The following ZBTB7C variants were observed in gnomAD, a reference collection of about 807,000 sequenced individuals.
The protein encoded by ZBTB7C is zinc finger and BTB domain containing 7C, also known as zinc finger and BTB domain-containing protein 7C.
ZBTB7C carries 8 observed loss-of-function variants against 25.7 expected under a neutral mutation model. The ratio of observed to expected loss-of-function variants is 0.31; its 90% CI spans 0.18 to 0.56. The LOEUF is 0.56. Among genes scored for constraint, ZBTB7C ranks in the 20% least tolerant of loss-of-function variants. The probability of loss-of-function intolerance (pLI) is 0.91; values close to 1 mark genes in which losing one functional copy is unlikely to be tolerated. For missense variants in ZBTB7C, 824 were observed against 855.2 expected, an observed-to-expected ratio of 0.96 and a Z score of 0.46; for synonymous variants, 394 against 369.0, an observed-to-expected ratio of 1.07 and a Z score of -0.78.
chr18:48,104,530 T>A (rs1189277224), intron 3 of ZBTB7C, among the ~76,000 whole-genome samples: 1 of 151,250 alleles, frequency 6.6e-6, no homozygotes, highest in Non-Finnish European at 1.5e-5. Flanking sequence ...GTGAATTACA[T>A]CTCAGTAAAG....
intron 1 of ZBTB7C, among the ~76,000 whole-genome samples, chr18:48,390,475 A>G (rs4561539): frequency 0.97 from 147,783 of 152,320 alleles, 71,777 homozygotes; most frequent in Middle Eastern, 0.99. Context: ...TATCAAAGGT[A>G]TAAATAAAAT....
At chr18:48,043,416 A>T (rs542068833) in intron 3 of ZBTB7C, among the ~76,000 whole-genome samples, 1 of 152,326 alleles carries the variant, frequency 6.6e-6, no homozygotes, top group East Asian at 1.9e-4. Context: ...AAAGGAGTGA[A>T]TTCTCAATAT....
intron 2 of ZBTB7C, among the ~76,000 whole-genome samples, chr18:48,262,326 G>A (rs1301076591): frequency 6.6e-6 from 1 of 152,132 alleles, no homozygotes; most frequent in African/African-American, 2.4e-5. Flanking sequence ...TACTTGGAAG[G>A]TGGCCCATAA....
At chr18:48,346,825 G>C (rs1333156441) in intron 1 of ZBTB7C, 1 of 150,178 alleles carries the variant, frequency 6.7e-6, no homozygotes, top group African/African-American at 2.5e-5. Context: ...TTGCTCTGTT[G>C]CCAGGCTGGA....
At chr18:48,374,674 A>G (rs1392744555) in intron 1 of ZBTB7C, among the ~76,000 whole-genome samples, 2 of 152,218 alleles carry the variant, frequency 1.3e-5, no homozygotes, top group Non-Finnish European at 2.9e-5. Context: ...CCAGCCTGGT[A>G]TTACTCTTCC....
intron 2 of ZBTB7C, among the ~76,000 whole-genome samples, chr18:48,213,590 C>G (rs1159847774): frequency 6.6e-6 from 1 of 152,198 alleles, no homozygotes. Flanking sequence ...ATAAATGAAG[C>G]AAACACTTTA....
At chr18:48,053,609 C>T (rs932086926) in intron 3 of ZBTB7C, among the ~76,000 whole-genome samples, 45 of 152,120 alleles carry the variant, frequency 3.0e-4, no homozygotes, top group Non-Finnish European at 1.0e-4. Context: ...AGTAGGGAAA[C>T]TGAGGTAGAG....
chr18:48,081,827 AG>A (rs1428425510), intron 3 of ZBTB7C, among the ~76,000 whole-genome samples: 1 of 152,194 alleles, frequency 6.6e-6, no homozygotes, highest in African/African-American at 2.4e-5. Context: ...AACTGAGATG[AG>A]CTGCAAGTGG....
intron 2 of ZBTB7C, among the ~76,000 whole-genome samples, chr18:48,289,932 G>A (rs1442901690): frequency 1.3e-5 from 2 of 152,100 alleles, no homozygotes; most frequent in Non-Finnish European, 2.9e-5. Flanking sequence ...ATACAATATA[G>A]CAGTGAAAAT....
intron 2 of ZBTB7C, among the ~76,000 whole-genome samples, chr18:48,224,923 A>C (rs1346732304): frequency 6.6e-6 from 1 of 152,244 alleles, no homozygotes; most frequent in Non-Finnish European, 1.5e-5. Context: ...TCTATGTATA[A>C]TATACATTTC....
chr18:48,315,655 G>A (rs75260937), intron 2 of ZBTB7C, among the ~76,000 whole-genome samples: 1,530 of 152,114 alleles, frequency 0.01, 27 homozygotes, highest in African/African-American at 0.035. Flanking sequence ...CCACACTCCC[G>A]GTAGGAAGGG....
chr18:48,026,947 G>A lies in ZBTB7C; in HGVS notation c.*2313C>T, dbSNP rs1306578433. 1 of 151,582 alleles carries A rather than the reference G, an allele frequency of 6.6e-6. No homozygotes were observed. Among genetic ancestry groups the A allele is most frequent in the East Asian group, 1.9e-4 (1 of 5,188 alleles). The allele number at this position is 151,582 out of a possible 1,614,324, so 9.4% of individuals were successfully genotyped here. A position where few individuals can be genotyped will look rare whatever the true frequency, so the allele number is the denominator to read the frequency against. On this transcript the variant is annotated 3_prime_UTR_variant, in exon 5 of 5. Transcript: ENST00000590800. ...AAATTAGCTGAGAGTTTTTCTCGGC[G>A]GGATGTGGCGTGCGACCGAAGTTAT...
At chr18:48,286,909 G>A (rs998319467) in intron 2 of ZBTB7C, among the ~76,000 whole-genome samples, 6 of 152,056 alleles carry the variant, frequency 3.9e-5, no homozygotes, top group Non-Finnish European at 8.8e-5. Flanking sequence ...AAAATTAGCT[G>A]GGCATGGTGG....
chr18:48,128,555 C>T (rs1044754384), intron 3 of ZBTB7C, among the ~76,000 whole-genome samples: 1 of 152,232 alleles, frequency 6.6e-6, no homozygotes, highest in Non-Finnish European at 1.5e-5. Flanking sequence ...TCTTTTGTAG[C>T]AACTTGGATG....
rs1598878584 is a variant in ZBTB7C, at chr18:48,326,914, C to G, written c.-79+11260G>C. Among the ~76,000 whole-genome samples the G allele has an allele frequency of 5.3e-5, 8 of 152,320 alleles. 1 individual carries two copies. In the Middle Eastern group the frequency reaches 0.014, roughly 259 times the overall value. On this transcript the variant is annotated intron_variant, in intron 2 of 4. Coordinates refer to ENST00000590800, the MANE Select transcript of ZBTB7C (RefSeq NM_001318841.2). ...TCAAAAATTCTAATCCAACTAAACA[C>G]AAGAGGAAACGCAATAATAACACAA...
intron 3 of ZBTB7C, among the ~76,000 whole-genome samples, chr18:48,061,287 C>CCCAA (rs1210335729): frequency 6.6e-6 from 1 of 152,186 alleles, no homozygotes; most frequent in African/African-American, 2.4e-5. Flanking sequence ...ACACATTCCC[C>CCCAA]AGGAAAATAT....
intron 2 of ZBTB7C, among the ~76,000 whole-genome samples, chr18:48,309,818 G>C (rs980118734): frequency 2.0e-5 from 3 of 152,182 alleles, no homozygotes; most frequent in Admixed American, 6.5e-5. Context: ...AAATACTCTA[G>C]TTGGTCAACT....
At chr18:48,195,973 C>T (rs2042309414) in intron 2 of ZBTB7C, among the ~76,000 whole-genome samples, 2 of 152,120 alleles carry the variant, frequency 1.3e-5, no homozygotes, top group South Asian at 4.1e-4. Flanking sequence ...GGGAATGAAG[C>T]CCAGCTGCCT....
intron 1 of ZBTB7C, among the ~76,000 whole-genome samples, chr18:48,374,896 C>A (rs2047481658): frequency 6.6e-6 from 1 of 152,252 alleles, no homozygotes. Flanking sequence ...AGACAGCCGG[C>A]AGGGTGCTGG....
Sources: gnomAD v4.1 joint callset for allele counts (sites outside exome capture counted in the v4.1 genomes callset) on GRCh38, gnomAD v4.1.1 for gene constraint, MANE v1.5 for transcripts, NCBI Gene and HGNC (gene_info 2026-07-23, HGNC 2026-07-21) for gene names.